FOXP2: variants seen among roughly 807,000 people sequenced by gnomAD.
FOXP2 encodes forkhead box P2, also known as forkhead box protein P2.
FOXP2 carries 12 observed loss-of-function variants against 115.8 expected under a neutral mutation model. That is an observed-to-expected ratio of 0.10 (90% confidence interval 0.07 to 0.17). The LOEUF (loss-of-function observed/expected upper bound fraction) is 0.17, where lower values mean the gene tolerates loss of function less well. FOXP2 is among the 10% of genes least tolerant of loss of function. The probability of loss-of-function intolerance (pLI) is 1.00; values close to 1 mark genes in which losing one functional copy is unlikely to be tolerated. For synonymous variants in FOXP2, 328 were observed against 297.7 expected, an observed-to-expected ratio of 1.10 and a Z score of -1.05; for missense variants, 629 against 843.5, an observed-to-expected ratio of 0.75 and a Z score of 3.15.
At chr7:114,315,902 A>G (rs999399828) in intron 2 of FOXP2, among the ~76,000 whole-genome samples, 1 of 152,216 alleles carries the variant, frequency 6.6e-6, no homozygotes, top group Non-Finnish European at 1.5e-5. Context: ...CATGCCTGAG[A>G]AAAGCTTATT....
At chr7:114,220,650 G>A (rs958922327) in intron 1 of FOXP2, among the ~76,000 whole-genome samples, 10 of 152,092 alleles carry the variant, frequency 6.6e-5, no homozygotes, top group African/African-American at 2.2e-4. Context: ...TAGGAGAAGA[G>A]TGGAAGGGAA....
rs185810544 is a variant in FOXP2 at position 114,691,163 on chromosome 7, C to T, written c.*1237C>T. ...ATAGTACTTTGTGTTTTTGTTTTCCCTCATTCAGTCAGTTATTTTCAGTGG... is the reference window on the plus strand; with the variant it reads ...ATAGTACTTTGTGTTTTTGTTTTCCTTCATTCAGTCAGTTATTTTCAGTGG... On this transcript the variant is annotated 3_prime_UTR_variant, in exon 17 of 17. Transcript: ENST00000350908. The T allele has an allele frequency of 4.0e-5, 18 of 453,922 alleles. No homozygotes were observed. Among genetic ancestry groups the T allele is most frequent in the Admixed American group, 1.2e-4 (5 of 42,546 alleles). The allele number at this position is 453,922 out of a possible 1,614,324, so 28.1% of individuals were successfully genotyped here.
chr7:114,266,847 G>C (rs1347021098), intron 1 of FOXP2, among the ~76,000 whole-genome samples: 1 of 152,130 alleles, frequency 6.6e-6, no homozygotes, highest in Non-Finnish European at 1.5e-5. Flanking sequence ...CACTTGTTCA[G>C]CTATTAGTTC....
At chr7:114,138,879 C>T (rs573538128) in intron 1 of FOXP2, among the ~76,000 whole-genome samples, 7 of 152,070 alleles carry the variant, frequency 4.6e-5, no homozygotes, top group African/African-American at 1.7e-4. Context: ...TATCTTGGAA[C>T]AGAAAAAGGG....
chr7:114,353,334 CTTTTTTTTTTTT>C (rs138925770), intron 2 of FOXP2, among the ~76,000 whole-genome samples: 2 of 64,114 alleles, frequency 3.1e-5, no homozygotes, highest in Admixed American at 2.4e-4. Context: ...ATAGGAGCCT[CTTTTTTTTTTTT>C]TTTTTTTTTT....
In FOXP2 at chr7:114,375,091, T is replaced by C. The variant is rs372784158; in HGVS notation, c.-10-51411T>C. 4.1e-4 allele frequency among the ~76,000 whole-genome samples: 63 copies of C among 151,918 alleles called. 1 individual carries two copies. Among genetic ancestry groups the C allele is most frequent in the African/African-American group, 1.4e-3 (59 of 41,528 alleles). The stretch of plus-strand genomic sequence containing the variant: ...TGCAGATTTCTTGGAATGGTACGAT[T>C]TTTGTAAAAAAAAAAATTGATAAGG... On this transcript the variant is annotated intron_variant, in intron 2 of 17. Coordinates refer to the FOXP2 transcript ENST00000634411.
chr7:114,252,944 C>T (rs1795492650), intron 1 of FOXP2, among the ~76,000 whole-genome samples: 1 of 152,142 alleles, frequency 6.6e-6, no homozygotes, highest in South Asian at 2.1e-4. Context: ...CTATAAATTT[C>T]CCTCTACACA....
At chr7:114,499,053 A>G in intron 2 of FOXP2, 1 of 600,276 alleles carries the variant, frequency 1.7e-6, no homozygotes, top group Non-Finnish European at 3.0e-6. Context: ...GACCTACTGA[A>G]TCAGAAACCC....
At chr7:114,561,568 T>C (rs1275640106) in intron 3 of FOXP2, 3 of 152,236 alleles carry the variant, frequency 2.0e-5, no homozygotes, top group Non-Finnish European at 4.4e-5. Context: ...TAATCTCTTA[T>C]TTAATTTTGT....
intron 1 of FOXP2, among the ~76,000 whole-genome samples, chr7:114,207,689 T>C (rs551408563): frequency 6.6e-6 from 1 of 152,340 alleles, no homozygotes; most frequent in South Asian, 2.1e-4. Flanking sequence ...GCCTCAAATC[T>C]TTTTTAGAAA....
chr7:114,094,491 CCTT>C (rs1465172036), intron 1 of FOXP2, among the ~76,000 whole-genome samples: 2 of 151,980 alleles, frequency 1.3e-5, no homozygotes, highest in Non-Finnish European at 2.9e-5. Context: ...AGAATGTCTC[CCTT>C]CTTAGCCTAC....
intron 3 of FOXP2, among the ~76,000 whole-genome samples, chr7:114,619,013 A>C (rs1372360973): frequency 6.6e-6 from 1 of 152,176 alleles, no homozygotes; most frequent in Non-Finnish European, 1.5e-5. Flanking sequence ...CTGGTAAAGG[A>C]ATAGAGGCTC....
chr7:114,636,624 CTTT>C (rs34522461), intron 6 of FOXP2, among the ~76,000 whole-genome samples: 9 of 140,412 alleles, frequency 6.4e-5, no homozygotes, highest in Non-Finnish European at 7.8e-5. Flanking sequence ...TTGAAAAAAT[CTTT>C]TTTTTTTTTT....
At chr7:114,101,390 T>C (rs1401694361) in intron 1 of FOXP2, among the ~76,000 whole-genome samples, 1 of 152,098 alleles carries the variant, frequency 6.6e-6, no homozygotes, top group Non-Finnish European at 1.5e-5. Context: ...ACACAAATAG[T>C]AAGTTGATTT....
At chr7:114,224,172 AC>A (rs1327801771) in intron 1 of FOXP2, among the ~76,000 whole-genome samples, 1 of 152,090 alleles carries the variant, frequency 6.6e-6, no homozygotes, top group African/African-American at 2.4e-5. Context: ...AAATTAGTCC[AC>A]CTTTGAACCT....
At chr7:114,576,521 A>G (rs914623433) in intron 3 of FOXP2, among the ~76,000 whole-genome samples, 2 of 151,900 alleles carry the variant, frequency 1.3e-5, no homozygotes, top group African/African-American at 4.8e-5. Context: ...TGATTCACCA[A>G]AGCATTAGTG....
intron 2 of FOXP2, among the ~76,000 whole-genome samples, chr7:114,481,476 C>T (rs1042147986): frequency 6.6e-6 from 1 of 151,110 alleles, no homozygotes; most frequent in African/African-American, 2.4e-5. Context: ...TAAATTTTCC[C>T]CAAAGCGTAA....
At chr7:114,678,388 T>G (rs769348119) in intron 16 of FOXP2, among the ~76,000 whole-genome samples, 10 of 152,094 alleles carry the variant, frequency 6.6e-5, no homozygotes, top group Non-Finnish European at 1.3e-4. Flanking sequence ...CCGTGTCTTA[T>G]AGCTCATTAA....
chr7:114,376,714 C>A (rs139384164), intron 2 of FOXP2, among the ~76,000 whole-genome samples: 15 of 152,246 alleles, frequency 9.9e-5, no homozygotes, highest in East Asian at 9.6e-4. Flanking sequence ...AGATTCCATT[C>A]GGAACTAACA....
Sources: allele counts gnomAD v4.1 joint callset (sites outside exome capture counted in the v4.1 genomes callset), GRCh38; gene constraint gnomAD v4.1.1; transcripts MANE v1.5; gene names NCBI Gene and HGNC (gene_info 2026-07-23, HGNC 2026-07-21).